Variants in LRP5 observed in about 807,000 individuals in gnomAD.
LRP5 encodes the protein low-density lipoprotein receptor-related protein 5.
LRP5 carries 62 observed loss-of-function variants against 154.1 expected under a neutral mutation model. The observed-to-expected ratio is 0.40, with a 90% CI of 0.33 to 0.50. The LOEUF (loss-of-function observed/expected upper bound fraction) is 0.50. Ranked by LOEUF, LRP5 falls within the 20% of genes least tolerant of loss-of-function variation. LRP5 has a pLI of 0.55. For synonymous variants in LRP5, 966 were observed against 1,011.5 expected (o/e 0.96, Z 0.85); for missense variants, 1,915 against 2,336.7 (o/e 0.82, Z 3.72).
chr11:68,348,009 A>C lies in LRP5; in HGVS notation c.254A>C (p.Glu85Ala). 1 of 1,614,108 alleles carries C rather than the reference A, an allele frequency of 6.2e-7. No individual in the cohort carries two copies. The highest frequency in any genetic ancestry group is 8.5e-7 in the Non-Finnish European group (1 of 1,180,030). ...GTGTACTGGACAGACGTGAGCGAGG[A>C]GGCCATCAAGCAGACCTACCTGAAC... ...GAVYWTDVSE[E>A]AIKQTYLNQT... The change falls in exon 2 of 23, where the codon GAG (glutamate) becomes GCG (alanine). Residue 85 changes from glutamate (E) to alanine (A), a missense_variant. By Grantham distance (107) the Glu-to-Ala change is moderately radical. This residue lies in a region of LRP5 where 773 missense variants were observed against 1,100.9 expected (regional missense o/e 0.70). Coordinates refer to ENST00000294304, the MANE Select transcript of LRP5 (RefSeq NM_002335.4).
At chr11:68,412,325 G>A (rs1456813742) in intron 11 of LRP5, among the ~76,000 whole-genome samples, 1 of 152,100 alleles carries the variant, frequency 6.6e-6, no homozygotes, top group Non-Finnish European at 1.5e-5. Context: ...TGCCAAGTTG[G>A]GAGACTAGAA....
intron 3 of LRP5, among the ~76,000 whole-genome samples, chr11:68,361,196 T>A (rs1298624028): frequency 6.8e-6 from 1 of 146,930 alleles, no homozygotes; most frequent in Non-Finnish European, 1.5e-5. Context: ...TCCCAGCTAC[T>A]CGGGAGGCTG....
At chr11:68,440,448 G>A (rs1198601807) in intron 21 of LRP5, among the ~76,000 whole-genome samples, 1 of 152,198 alleles carries the variant, frequency 6.6e-6, no homozygotes, top group Non-Finnish European at 1.5e-5. Flanking sequence ...TGAGTGAAAT[G>A]ACTGTGAGGA....
intron 5 of LRP5, among the ~76,000 whole-genome samples, chr11:68,373,745 A>G (rs947002914): frequency 6.6e-6 from 1 of 152,192 alleles, no homozygotes; most frequent in Non-Finnish European, 1.5e-5. Context: ...GGAATGAGCT[A>G]AAAACAGCAG....
chr11:68,335,074 C>CTTTTT (rs35822609), intron 1 of LRP5, among the ~76,000 whole-genome samples: 3 of 123,606 alleles, frequency 2.4e-5, no homozygotes, highest in African/African-American at 3.1e-5. Flanking sequence ...CCTGACCTGG[C>CTTTTT]TTTTTTTTTT....
At chr11:68,347,241 CA>C (rs1286023035) in intron 1 of LRP5, among the ~76,000 whole-genome samples, 2 of 152,154 alleles carry the variant, frequency 1.3e-5, no homozygotes, top group African/African-American at 4.8e-5. Flanking sequence ...TAGGAATGTC[CA>C]GAAGCAGGGT....
chr11:68,341,059 CTTTT>C lies in LRP5; in HGVS notation c.92-6772_92-6769del, dbSNP rs576462333. On this transcript the variant is annotated intron_variant, in intron 1 of 22. Coordinates refer to ENST00000294304, the MANE Select transcript of LRP5 (RefSeq NM_002335.4). Reference sequence around the variant, plus strand: ...GTTACCCCTGCCGCTGGAGATTGTTCTTTTTTTTTTTTTTTTTTTGCTATTACAA... The same window carrying C: ...GTTACCCCTGCCGCTGGAGATTGTTCTTTTTTTTTTTTTTTGCTATTACAA... 2.4e-4 allele frequency among the ~76,000 whole-genome samples: 20 copies of C among 83,494 alleles called. 1 individual carries two copies. Among genetic ancestry groups the C allele is most frequent in the Admixed American group, 4.8e-4 (3 of 6,274 alleles). 54.8% of individuals were successfully genotyped at this position (83,494 alleles called of 152,430 possible).
Position 68,416,598 on chromosome 11 carries a change from G to C in LRP5, c.3027+71G>C, listed in dbSNP as rs2098662690. 3 of 1,449,072 alleles carry C rather than the reference G, an allele frequency of 2.1e-6. No homozygotes were observed. In the South Asian group the frequency reaches 3.6e-5, roughly 17 times the overall value. The allele number at this position is 1,449,072 out of a possible 1,614,324, so 89.8% of individuals were successfully genotyped here. On this transcript the variant is annotated intron_variant, in intron 13 of 22. Coordinates refer to ENST00000294304, the MANE Select transcript of LRP5 (RefSeq NM_002335.4). ...TCCTCTTGCTGGTTTCCAGGCTGCT[G>C]CCCCTGTCCTTAGCAGAGGGAGGAA...
chr11:68,427,776 A>G (rs1234077284), intron 16 of LRP5, among the ~76,000 whole-genome samples: 1 of 151,758 alleles, frequency 6.6e-6, no homozygotes, highest in Non-Finnish European at 1.5e-5. Flanking sequence ...ACACTGTGAA[A>G]TTTTTCTGGG....
chr11:68,362,839 A>G (rs2098628812), intron 3 of LRP5, among the ~76,000 whole-genome samples: 1 of 151,800 alleles, frequency 6.6e-6, no homozygotes, highest in African/African-American at 2.4e-5. Flanking sequence ...CATGAGTGTC[A>G]CCCTCTCCTG....
chr11:68,313,933 A>C (rs2098590935), intron 1 of LRP5, among the ~76,000 whole-genome samples: 1 of 152,196 alleles, frequency 6.6e-6, no homozygotes, highest in African/African-American at 2.4e-5. Context: ...TGTGGGGGAC[A>C]GCGGGGAACA....
chr11:68,345,793 A>T (rs1212104028), intron 1 of LRP5, among the ~76,000 whole-genome samples: 1 of 152,210 alleles, frequency 6.6e-6, no homozygotes, highest in Non-Finnish European at 1.5e-5. Flanking sequence ...CCAGTGGTGC[A>T]CAAGGGTTCC....
At chr11:68,408,199 C>A (rs559253559) in intron 9 of LRP5, among the ~76,000 whole-genome samples, 1 of 151,714 alleles carries the variant, frequency 6.6e-6, no homozygotes, top group African/African-American at 2.4e-5. Context: ...TCTCAGCCTC[C>A]CTAGTAGCTG....
chr11:68,354,273 C>T (rs1418255048), intron 2 of LRP5, among the ~76,000 whole-genome samples: 3 of 152,220 alleles, frequency 2.0e-5, no homozygotes, highest in African/African-American at 4.8e-5. Context: ...TGCAAGAGCA[C>T]GTCCACGCCA....
At chr11:68,301,254 TTTA>T in the LRP5 span, among the ~76,000 whole-genome samples, 1 of 149,366 alleles carries the variant, frequency 6.7e-6, no homozygotes, top group Admixed American at 6.7e-5. Flanking sequence ...GCCTCATAAT[TTTA>T]TTATCTAGAT....
intron 9 of LRP5, among the ~76,000 whole-genome samples, chr11:68,407,309 C>T (rs1003040087): frequency 4.0e-5 from 6 of 151,714 alleles, no homozygotes; most frequent in Non-Finnish European, 7.4e-5. Flanking sequence ...GCTGGGACTA[C>T]AGACATGCAC....
At chr11:68,346,074 CTT>C (rs2153128304) in intron 1 of LRP5, among the ~76,000 whole-genome samples, 1 of 152,158 alleles carries the variant, frequency 6.6e-6, no homozygotes, top group East Asian at 1.9e-4. Context: ...ATATTAATCT[CTT>C]AGTAGATCTA....
At chr11:68,416,875 C>T (rs188582813) in intron 13 of LRP5, among the ~76,000 whole-genome samples, 3 of 152,300 alleles carry the variant, frequency 2.0e-5, no homozygotes, top group Admixed American at 6.5e-5. Context: ...GGGAACTGTA[C>T]AGTCATTTCT....
intron 5 of LRP5, among the ~76,000 whole-genome samples, chr11:68,385,442 C>T (rs1037746258): frequency 3.9e-5 from 6 of 152,076 alleles, no homozygotes; most frequent in South Asian, 2.1e-4. Flanking sequence ...TATTTAGAAA[C>T]GAGGTCTGAG....
Sources: allele counts gnomAD v4.1 joint callset (sites outside exome capture counted in the v4.1 genomes callset), GRCh38; gene constraint gnomAD v4.1.1; regional missense constraint gnomAD v4.1.1; transcripts MANE v1.5; gene names NCBI Gene and HGNC (gene_info 2026-07-23, HGNC 2026-07-21).